RGS6: variants seen among roughly 807,000 people sequenced by gnomAD.
The protein encoded by RGS6 is regulator of G protein signaling 6.
RGS6 carries 30 observed loss-of-function variants against 78.5 expected under a neutral mutation model. The observed-to-expected ratio is 0.38, with a 90% CI of 0.29 to 0.52. The LOEUF (loss-of-function observed/expected upper bound fraction) is 0.52. Ranked by LOEUF, RGS6 falls within the 20% of genes least tolerant of loss-of-function variation. The pLI is 0.85. For synonymous variants in RGS6, 206 were observed against 206.0 expected, an observed-to-expected ratio of 1.00 and a Z score of 0.00; for missense variants, 495 against 609.7, an observed-to-expected ratio of 0.81 and a Z score of 1.98.
chr14:72,531,873 C>CA (rs1205233404), intron 15 of RGS6, among the ~76,000 whole-genome samples: 1 of 152,158 alleles, frequency 6.6e-6, no homozygotes, highest in Non-Finnish European at 1.5e-5. Flanking sequence ...AGTCTGTAGT[C>CA]ACCGTAATGT....
In RGS6 at chr14:72,456,953, A is replaced by G. The variant is rs1472572795; in HGVS notation, c.236-1318A>G. Among the ~76,000 whole-genome samples, 3 of 151,820 alleles carry G rather than the reference A, an allele frequency of 2.0e-5. No homozygotes were observed. In the East Asian group the frequency reaches 5.8e-4, roughly 29 times the overall value. The stretch of plus-strand genomic sequence containing the variant: ...AAAAAAATTAGACAGACGTGGTGGC[A>G]TGTGCCTGTGGTTCCAGCTACTTGG... On this transcript the variant is annotated intron_variant, in intron 4 of 17. Coordinates refer to ENST00000553525, the MANE Select transcript of RGS6 (RefSeq NM_001204424.2).
chr14:72,202,489 T>C (rs545116603), intron 2 of RGS6, among the ~76,000 whole-genome samples: 11 of 152,292 alleles, frequency 7.2e-5, no homozygotes, highest in Non-Finnish European at 1.0e-4. Flanking sequence ...TCCCTGTGTA[T>C]AGGGGGCTTC....
chr14:72,427,817 C>T (rs1307108144), intron 3 of RGS6, among the ~76,000 whole-genome samples: 2 of 152,158 alleles, frequency 1.3e-5, no homozygotes, highest in Non-Finnish European at 1.5e-5. Context: ...AAGTATCTTA[C>T]TCTTTTTGTT....
rs145361128 is a variant in RGS6 at position 72,165,338 on chromosome 14, G to A, written c.85-186757G>A. ...CTTGTGGGGAACAGAATCTGTCAAG[G>A]AGAAACAAAGCAGTGCAGTAGTTGC... On this transcript the variant is annotated intron_variant, in intron 2 of 17. Coordinates refer to ENST00000553525, the MANE Select transcript of RGS6 (RefSeq NM_001204424.2). 1.8e-3 allele frequency among the ~76,000 whole-genome samples: 271 copies of A among 152,330 alleles called. 1 individual carries two copies. The highest frequency in any genetic ancestry group is 2.5e-3 in the Non-Finnish European group (172 of 68,022).
intron 2 of RGS6, among the ~76,000 whole-genome samples, chr14:72,282,251 C>A (rs559542441): frequency 6.6e-6 from 1 of 152,182 alleles, no homozygotes; most frequent in Non-Finnish European, 1.5e-5. Flanking sequence ...ATCAAATATA[C>A]TTGACCTTCA....
chr14:72,499,691 TAACTG>T (rs1456405201), intron 13 of RGS6, among the ~76,000 whole-genome samples: 2 of 152,120 alleles, frequency 1.3e-5, no homozygotes, highest in African/African-American at 4.8e-5. Flanking sequence ...TTTTTTTACT[TAACTG>T]AGCTCTGGGC....
intron 3 of RGS6, among the ~76,000 whole-genome samples, chr14:72,373,201 G>A (rs2083880935): frequency 6.6e-6 from 1 of 152,160 alleles, no homozygotes; most frequent in Non-Finnish European, 1.5e-5. Flanking sequence ...AATTGCAAGT[G>A]ACCAGAAAGC....
intron 3 of RGS6, among the ~76,000 whole-genome samples, chr14:72,396,376 G>T (rs1374101826): frequency 6.6e-6 from 1 of 152,108 alleles, no homozygotes; most frequent in African/African-American, 2.4e-5. Context: ...CCCACTTTTT[G>T]ATGGGGTTGT....
At chr14:72,612,893 G>A in the RGS6 span, among the ~76,000 whole-genome samples, 2 of 152,170 alleles carry the variant, frequency 1.3e-5, no homozygotes, top group Non-Finnish European at 2.9e-5. Flanking sequence ...GAGCAGGACT[G>A]GAGAAGACTT....
At chr14:72,416,768 A>G (rs958139037) in intron 3 of RGS6, among the ~76,000 whole-genome samples, 1 of 152,222 alleles carries the variant, frequency 6.6e-6, no homozygotes, top group Admixed American at 6.5e-5. Flanking sequence ...AGTGTGGTTA[A>G]GAGTATGAGC....
intron 2 of RGS6, among the ~76,000 whole-genome samples, chr14:71,998,864 T>C (rs186511691): frequency 2.6e-5 from 4 of 152,336 alleles, no homozygotes; most frequent in Admixed American, 1.3e-4. Flanking sequence ...TCTGCAGCCT[T>C]GCCATTGAAG....
At chr14:72,547,320 AAAGAG>A (rs1317628790) in intron 17 of RGS6, 2 of 1,535,688 alleles carry the variant, frequency 1.3e-6, no homozygotes. Flanking sequence ...TGGAAAGTTC[AAAGAG>A]AAGTCAGAGA....
At chr14:72,580,393 G>T in the RGS6 span, among the ~76,000 whole-genome samples, 1 of 150,194 alleles carries the variant, frequency 6.7e-6, no homozygotes, top group African/African-American at 2.5e-5. Flanking sequence ...TATTCATGGA[G>T]AATTGTTCTT....
At chr14:72,276,564 A>G (rs1447841560) in intron 2 of RGS6, among the ~76,000 whole-genome samples, 2 of 152,128 alleles carry the variant, frequency 1.3e-5, no homozygotes, top group Non-Finnish European at 2.9e-5. Context: ...CATAATTCCC[A>G]TGTGTGGTGG....
intron 3 of RGS6, among the ~76,000 whole-genome samples, chr14:72,378,132 A>G (rs1298702068): frequency 6.6e-6 from 1 of 152,260 alleles, no homozygotes; most frequent in Non-Finnish European, 1.5e-5. Context: ...AAAAAATTTA[A>G]AGTGAAATTT....
intron 3 of RGS6, among the ~76,000 whole-genome samples, chr14:72,357,852 A>C (rs943215452): frequency 2.6e-5 from 4 of 152,188 alleles, no homozygotes; most frequent in African/African-American, 7.2e-5. Flanking sequence ...GACAGTGGGG[A>C]AAATGTCTCC....
rs141451028 is a variant in RGS6 at position 72,372,582 on chromosome 14, A to G, written c.184+20388A>G. Among the ~76,000 whole-genome samples the G allele has an allele frequency of 2.7e-4, 41 of 152,358 alleles. No individual in the cohort carries two copies. In the East Asian group the frequency reaches 4.8e-3, roughly 18 times the overall value. ...AAACCTCCCACATTTATCCAGGTAT[A>G]AAAGTAAACTTCTAGGTTGGGTGTA... On this transcript the variant is annotated intron_variant, in intron 3 of 17. Coordinates refer to ENST00000553525, the MANE Select transcript of RGS6 (RefSeq NM_001204424.2).
At chr14:71,869,674 T>G in the RGS6 span, among the ~76,000 whole-genome samples, 25 of 152,358 alleles carry the variant, frequency 1.6e-4, no homozygotes, top group Admixed American at 1.2e-3. Context: ...CAACCTTTTT[T>G]GCTGAACCCT....
At chr14:72,265,940 G>C (rs1005820) in intron 2 of RGS6, among the ~76,000 whole-genome samples, 4 of 53,948 alleles carry the variant, frequency 7.4e-5, no homozygotes, top group East Asian at 7.3e-4. Context: ...CGCTTTTTTG[G>C]GGGGGGGGGC....
Sources: gnomAD v4.1 joint callset for allele counts (sites outside exome capture counted in the v4.1 genomes callset) on GRCh38, gnomAD v4.1.1 for gene constraint, MANE v1.5 for transcripts, NCBI Gene and HGNC (gene_info 2026-07-23, HGNC 2026-07-21) for gene names.